The following POGLUT1 variants were observed in gnomAD, a reference collection of about 807,000 sequenced individuals.
The protein encoded by POGLUT1 is protein O-glucosyltransferase 1, also known as 9630046K23Rik.
POGLUT1 carries 32 observed loss-of-function variants against 61.3 expected under a neutral mutation model. The ratio of observed to expected loss-of-function variants is 0.52; its 90% CI spans 0.39 to 0.70. The LOEUF is 0.70. POGLUT1 is among the 30% of genes least tolerant of loss of function. The pLI is 0.00. For synonymous variants in POGLUT1, 158 were observed against 158.2 expected, an observed-to-expected ratio of 1.00 and a Z score of 0.01; for missense variants, 411 against 469.8, an observed-to-expected ratio of 0.87 and a Z score of 1.16.
chr3:119,473,689 C>G (rs1407593815), intron 3 of POGLUT1, among the ~76,000 whole-genome samples: 1 of 147,988 alleles, frequency 6.8e-6, no homozygotes. Context: ...GAGAGAGAAT[C>G]TCACTCTGTC....
rs1042556321 is a variant in POGLUT1, at chr3:119,493,451, G to T, written c.*1013G>T. 2 of 152,122 alleles carry T rather than the reference G, an allele frequency of 1.3e-5. No homozygotes were observed. The highest frequency in any genetic ancestry group is 4.8e-5 in the African/African-American group (2 of 41,418). 9.4% of individuals were successfully genotyped at this position (152,122 alleles called of 1,614,324 possible). ...CTTTTTGAAAAAGATGTTTTGGGTAGTAGTTTAATATCTCAGGGTGCTCTT... is the reference window on the plus strand; with the variant it reads ...CTTTTTGAAAAAGATGTTTTGGGTATTAGTTTAATATCTCAGGGTGCTCTT... On this transcript the variant is annotated 3_prime_UTR_variant, in exon 11 of 11. Coordinates refer to ENST00000295588, the MANE Select transcript of POGLUT1 (RefSeq NM_152305.3).
intron 4 of POGLUT1, among the ~76,000 whole-genome samples, chr3:119,478,960 T>G (rs1038502561): frequency 1.3e-5 from 2 of 151,780 alleles, no homozygotes; most frequent in East Asian, 3.9e-4. Flanking sequence ...AGTCTCACTC[T>G]GTTGCCCAGG....
chr3:119,486,831 A>G lies in POGLUT1; in HGVS notation c.639-2A>G, dbSNP rs754377814. ...GTTTTATGTCACGTGTTTCTTTTAT[A>G]GGACAAGTCCAGAACGAGATCCTCT... On this transcript the variant is annotated splice_acceptor_variant, in intron 6 of 10. Coordinates refer to ENST00000295588, the MANE Select transcript of POGLUT1 (RefSeq NM_152305.3). LOFTEE classifies it high-confidence loss of function. The G allele has an allele frequency of 6.2e-7, 1 of 1,603,922 alleles. No individual in the cohort carries two copies.
rs755384394 is a variant in POGLUT1, at chr3:119,485,337, A to C, written c.588A>C (p.Ala196=). The change falls in exon 6 of 11, where the codon GCA becomes GCC. Residue 196 remains alanine, a synonymous_variant. Transcript: ENST00000295588. ...LFREDLVRSA[A]QWPWKKKNST... Reference sequence around the variant, plus strand: ...AATTCTATATTCTTAGGTCAGCAGCACAGTGGCCATGGAAAAAGAAAAACT... The same window carrying C: ...AATTCTATATTCTTAGGTCAGCAGCCCAGTGGCCATGGAAAAAGAAAAACT... The C allele has an allele frequency of 2.5e-6, 4 of 1,598,406 alleles. No individual in the cohort carries two copies. In the African/African-American group the frequency reaches 5.4e-5, roughly 21 times the overall value.
chr3:119,483,870 C>A (rs1486556051), intron 5 of POGLUT1, among the ~76,000 whole-genome samples: 1 of 152,180 alleles, frequency 6.6e-6, no homozygotes, highest in African/African-American at 2.4e-5. Flanking sequence ...CAAAATTACC[C>A]CCAGTTGAAA....
chr3:119,493,451 G>C lies in POGLUT1; in HGVS notation c.*1013G>C, dbSNP rs1042556321. 6.6e-6 allele frequency: 1 copy of C among 152,122 alleles called. No individual in the cohort carries two copies. Among genetic ancestry groups the C allele is most frequent in the Non-Finnish European group, 1.5e-5 (1 of 68,010 alleles). 9.4% of individuals were successfully genotyped at this position (152,122 alleles called of 1,614,324 possible). On this transcript the variant is annotated 3_prime_UTR_variant, in exon 11 of 11. Coordinates refer to ENST00000295588, the MANE Select transcript of POGLUT1 (RefSeq NM_152305.3). ...CTTTTTGAAAAAGATGTTTTGGGTA[G>C]TAGTTTAATATCTCAGGGTGCTCTT...
chr3:119,484,047 A>G (rs1007607875), intron 5 of POGLUT1, among the ~76,000 whole-genome samples: 3 of 152,202 alleles, frequency 2.0e-5, no homozygotes, highest in African/African-American at 4.8e-5. Flanking sequence ...CAAAACAACA[A>G]AAATCCAGTG....
At chr3:119,471,587 G>A in intron 3 of POGLUT1, 135 bp downstream of exon 3, 1 of 818,104 alleles carries the variant, frequency 1.2e-6, no homozygotes, top group Non-Finnish European at 2.0e-6. Context: ...AAATAGTGAC[G>A]AGCTCTTCTC....
At chr3:119,478,154 T>G in intron 4 of POGLUT1, 1 of 342,926 alleles carries the variant, frequency 2.9e-6, no homozygotes, top group Non-Finnish European at 5.7e-6. Context: ...AAGGAAAGCA[T>G]TTGGGGGTGA....
rs1291289146 is a variant in POGLUT1 at position 119,493,329 on chromosome 3, ATT to A, written c.*892_*893del. The stretch of plus-strand genomic sequence containing the variant: ...AGAAGTCTTCATATGTGAACGTGCC[ATT>A]CAGTTGGTAGTTAAGAGCATTCAAC... On this transcript the variant is annotated 3_prime_UTR_variant, in exon 11 of 11. Coordinates refer to ENST00000295588, the MANE Select transcript of POGLUT1 (RefSeq NM_152305.3). 6.6e-6 allele frequency: 1 copy of A among 152,216 alleles called. No homozygotes were observed. The highest frequency in any genetic ancestry group is 1.5e-5 in the Non-Finnish European group (1 of 68,026). 9.4% of individuals were successfully genotyped at this position (152,216 alleles called of 1,614,324 possible).
At chr3:119,490,765 C>A (rs768848923) in intron 9 of POGLUT1, 47 bp downstream of exon 9, 4 of 1,547,802 alleles carry the variant, frequency 2.6e-6, no homozygotes, top group East Asian at 4.5e-5. Context: ...CCCTTCCAAT[C>A]TGCTTTTAAA....
At position 119,469,843 on chromosome 3, in the gene POGLUT1, G is replaced by T; in HGVS notation, c.109G>T (p.Asp37Tyr). ...ESGSKWKVFI[D>Y]QINRSLENYE... ...AGGTTCAAAATGGAAAGTATTTATT[G>T]ACCAAATTAACAGGTCTTTGGAGAA... The change falls in exon 2 of 11, where the codon GAC (aspartate) becomes TAC (tyrosine). Residue 37 changes from aspartate to tyrosine, a missense_variant. Asp to Tyr is a radical substitution (Grantham distance 160). Coordinates refer to ENST00000295588, the MANE Select transcript of POGLUT1 (RefSeq NM_152305.3). 1.2e-6 allele frequency: 2 copies of T among 1,602,448 alleles called. No homozygotes were observed. The highest frequency in any genetic ancestry group is 1.1e-5 in the South Asian group (1 of 90,822).
At chr3:119,474,715 T>A (rs2081515846) in intron 3 of POGLUT1, among the ~76,000 whole-genome samples, 1 of 152,126 alleles carries the variant, frequency 6.6e-6, no homozygotes, top group Non-Finnish European at 1.5e-5. Flanking sequence ...GGCAGGCGCC[T>A]GTAATCCCAG....
Position 119,471,299 on chromosome 3 carries a change from T to G in POGLUT1, c.177-10T>G, listed in dbSNP as rs1178986277. 50 of 1,613,080 alleles carry G rather than the reference T, an allele frequency of 3.1e-5. No homozygotes were observed. The highest frequency in any genetic ancestry group is 4.2e-5 in the Non-Finnish European group (49 of 1,179,558). ...GCCTGCTTTCCTTGATGACTCCCAT[T>G]CTTTCCCAGTGTCATAGAAGAGGAT... On this transcript the variant is annotated splice_polypyrimidine_tract_variant and intron_variant, in intron 2 of 10. Coordinates refer to ENST00000295588, the MANE Select transcript of POGLUT1 (RefSeq NM_152305.3).
At chr3:119,483,828 T>C (rs1175975447) in intron 5 of POGLUT1, among the ~76,000 whole-genome samples, 1 of 152,188 alleles carries the variant, frequency 6.6e-6, no homozygotes, top group African/African-American at 2.4e-5. Flanking sequence ...TCTACAGACA[T>C]GGCCAAATGT....
intron 2 of POGLUT1, among the ~76,000 whole-genome samples, chr3:119,470,305 G>A (rs1482295645): frequency 6.6e-6 from 1 of 152,138 alleles, no homozygotes; most frequent in Admixed American, 6.5e-5. Context: ...GCTGGGCATG[G>A]TGGTTCATGC....
intron 7 of POGLUT1, among the ~76,000 whole-genome samples, chr3:119,487,759 T>G (rs529948518): frequency 6.6e-6 from 1 of 152,260 alleles, no homozygotes; most frequent in East Asian, 1.9e-4. Context: ...GTGGGTCAAA[T>G]TTGGCCTGTG....
intron 5 of POGLUT1, among the ~76,000 whole-genome samples, chr3:119,481,899 G>C (rs1392207863): frequency 6.6e-6 from 1 of 151,914 alleles, no homozygotes; most frequent in Non-Finnish European, 1.5e-5. Flanking sequence ...TTGAGAGGGG[G>C]GGAAAAAGGT....
intron 1 of POGLUT1, among the ~76,000 whole-genome samples, chr3:119,469,544 A>G (rs980938247): frequency 6.6e-6 from 1 of 152,236 alleles, no homozygotes; most frequent in African/African-American, 2.4e-5. Flanking sequence ...GTAGAAAGTG[A>G]GAGTCCGCGT....
Sources: gnomAD v4.1 joint callset for allele counts (sites outside exome capture counted in the v4.1 genomes callset) on GRCh38, gnomAD v4.1.1 for gene constraint, MANE v1.5 for transcripts, NCBI Gene and HGNC (gene_info 2026-07-23, HGNC 2026-07-21) for gene names.